Variants in FBN2 observed in about 807,000 individuals in gnomAD.
FBN2 encodes fibrillin-2.
In FBN2, 105 loss-of-function variants were observed where a neutral mutation model predicts 355.6. The observed-to-expected ratio is 0.30, with a 90% CI of 0.25 to 0.35. The LOEUF (loss-of-function observed/expected upper bound fraction) is 0.35. FBN2 is among the 10% of genes least tolerant of loss of function. FBN2 has a pLI of 1.00. For missense variants in FBN2, 3,280 were observed against 3,758.7 expected, an observed-to-expected ratio of 0.87 and a Z score of 3.33; for synonymous variants, 1,350 against 1,301.2, an observed-to-expected ratio of 1.04 and a Z score of -0.81.
At position 128,528,080 on chromosome 5, in the gene FBN2, T is replaced by C; in HGVS notation, c.437-113A>G. On this transcript the variant is annotated intron_variant, in intron 3 of 64. Transcript: ENST00000262464. Reference sequence around the variant, plus strand: ...ATCCAATTCAATGACAATTATATCTTACAGAAGGAAATACTATGACCCAAA... The same window carrying C: ...ATCCAATTCAATGACAATTATATCTCACAGAAGGAAATACTATGACCCAAA... 4 of 740,318 alleles carry C rather than the reference T, an allele frequency of 5.4e-6. No homozygotes were observed. In the South Asian group the frequency reaches 5.9e-5, roughly 11 times the overall value. 45.9% of individuals were successfully genotyped at this position (740,318 alleles called of 1,614,324 possible).
chr5:128,377,736 C>T lies in FBN2; in HGVS notation c.1849+16G>A. On this transcript the variant is annotated intron_variant, in intron 13 of 64. Coordinates refer to ENST00000262464, the MANE Select transcript of FBN2 (RefSeq NM_001999.4). ...CCTTTTAAAATCTTTTGCAAGGGAGCAGGCAATTTCCATACCAACACAGTT... is the reference window on the plus strand; with the variant it reads ...CCTTTTAAAATCTTTTGCAAGGGAGTAGGCAATTTCCATACCAACACAGTT... 1 of 1,612,958 alleles carries T rather than the reference C, an allele frequency of 6.2e-7. No individual in the cohort carries two copies. The highest frequency in any genetic ancestry group is 1.1e-5 in the South Asian group (1 of 91,070).
At chr5:128,370,886 T>C (rs554854475) in intron 15 of FBN2, among the ~76,000 whole-genome samples, 1 of 152,292 alleles carries the variant, frequency 6.6e-6, no homozygotes, top group East Asian at 1.9e-4. Flanking sequence ...ATAACTTATG[T>C]GTAGGTTTTA....
At chr5:128,372,309 G>T (rs944111430) in intron 15 of FBN2, among the ~76,000 whole-genome samples, 1 of 152,046 alleles carries the variant, frequency 6.6e-6, no homozygotes, top group Non-Finnish European at 1.5e-5. Context: ...ATTGCCTTTT[G>T]TTTACAACCT....
At chr5:128,537,106 CT>C (rs1756869498) in intron 1 of FBN2, among the ~76,000 whole-genome samples, 1 of 152,152 alleles carries the variant, frequency 6.6e-6, no homozygotes, top group South Asian at 2.1e-4. Context: ...ATCGGCACCC[CT>C]GGACCCCCTA....
intron 5 of FBN2, among the ~76,000 whole-genome samples, chr5:128,482,676 A>G (rs886104042): frequency 1.3e-5 from 2 of 152,168 alleles, no homozygotes; most frequent in Non-Finnish European, 2.9e-5. Flanking sequence ...GAATTGCTAT[A>G]TTAATATTCT....
At chr5:128,420,043 G>GTA (rs1753306399) in intron 7 of FBN2, among the ~76,000 whole-genome samples, 1 of 152,080 alleles carries the variant, frequency 6.6e-6, no homozygotes, top group East Asian at 1.9e-4. Context: ...TGACAATGAT[G>GTA]TATAGTCTTT....
chr5:128,296,303 T>G (rs1329134201), intron 48 of FBN2, among the ~76,000 whole-genome samples: 1 of 152,046 alleles, frequency 6.6e-6, no homozygotes, highest in Non-Finnish European at 1.5e-5. Flanking sequence ...ATTCTCTTTT[T>G]TGGTTGTGTC....
At chr5:128,463,105 A>AGCC (rs1754602164) in intron 6 of FBN2, among the ~76,000 whole-genome samples, 1 of 152,144 alleles carries the variant, frequency 6.6e-6, no homozygotes. Context: ...TAAACTAGTA[A>AGCC]ATCAATATAG....
At chr5:128,376,614 G>A in intron 14 of FBN2, 117 bp downstream of exon 14, 1 of 1,249,860 alleles carries the variant, frequency 8.0e-7, no homozygotes, top group South Asian at 1.2e-5. Context: ...GAATTAGCAA[G>A]AAATGTGAAT....
chr5:128,297,222 T>G (rs2126828928), intron 48 of FBN2, among the ~76,000 whole-genome samples: 1 of 152,352 alleles, frequency 6.6e-6, no homozygotes, highest in African/African-American at 2.4e-5. Flanking sequence ...ATAATTTCTG[T>G]TCTTTTACAT....
chr5:128,520,850 C>T (rs1756413069), intron 4 of FBN2, among the ~76,000 whole-genome samples: 2 of 151,996 alleles, frequency 1.3e-5, no homozygotes, highest in African/African-American at 2.4e-5. Context: ...CCAGCTGAGT[C>T]CTACATAGCA....
intron 15 of FBN2, chr5:128,371,179 T>A (rs974514382): frequency 6.6e-6 from 1 of 152,156 alleles, no homozygotes; most frequent in Non-Finnish European, 1.5e-5. Flanking sequence ...CTGTGAACTA[T>A]CAGTTGAGAT....
At chr5:128,358,017 T>C (rs968214679) in intron 19 of FBN2, among the ~76,000 whole-genome samples, 2 of 152,120 alleles carry the variant, frequency 1.3e-5, no homozygotes, top group African/African-American at 4.8e-5. Flanking sequence ...GTAGAAATAA[T>C]TGCTTTAAAT....
intron 36 of FBN2, among the ~76,000 whole-genome samples, chr5:128,317,332 A>G (rs1355070282): frequency 6.6e-6 from 1 of 152,200 alleles, no homozygotes; most frequent in Non-Finnish European, 1.5e-5. Context: ...AGGCACTCAA[A>G]CTTTACCAAA....
Position 128,357,333 on chromosome 5 carries a change from A to T in FBN2, c.2617T>A (p.Phe873Ile), listed in dbSNP as rs1751526820. Residue 873 changes from phenylalanine (F) to isoleucine (I), a missense_variant, in exon 20 of 65, where the codon TTC becomes ATC. Around this residue, in one of 6 missense-constraint regions of FBN2, gnomAD observed 2,284 missense variants for 2,749.5 expected, o/e 0.83. Coordinates refer to ENST00000262464, the MANE Select transcript of FBN2 (RefSeq NM_001999.4). ...NGACRNNLGS[F>I]NCECSPGSKL... ...CTGCCGGGCGAACATTCACAATTGA[A>T]AGATCCAAGGTTGTTTCTGCAGGCC... is the stretch of plus-strand genomic sequence containing the variant. The T allele has an allele frequency of 1.2e-6, 2 of 1,613,880 alleles. No homozygotes were observed. The highest frequency in any genetic ancestry group is 3.3e-5 in the Admixed American group (2 of 59,992).
At chr5:128,267,444 TAA>T (rs1765145130) in intron 62 of FBN2, among the ~76,000 whole-genome samples, 1 of 152,206 alleles carries the variant, frequency 6.6e-6, no homozygotes, top group Non-Finnish European at 1.5e-5. Flanking sequence ...ACCAACAGTG[TAA>T]AAGTTTTCCT....
At position 128,411,694 on chromosome 5, in the gene FBN2, A is replaced by T. The variant is rs576547054; in HGVS notation, c.953-2895T>A. On this transcript the variant is annotated intron_variant, in intron 7 of 64. Transcript: ENST00000262464. ...GGCCAGGGTGGTTTTGGAAAAGGCA[A>T]CATTCGGGCAGGAAAGCAGGAATTC... Among the ~76,000 whole-genome samples, 5 of 152,316 alleles carry T rather than the reference A, an allele frequency of 3.3e-5. No individual in the cohort carries two copies. The East Asian group carries it at 9.7e-4, about 29-fold the overall frequency.
chr5:128,289,319 A>T, intron 51 of FBN2, 67 bp from the exon 52 acceptor site: 1 of 1,553,248 alleles, frequency 6.4e-7, no homozygotes, highest in Non-Finnish European at 8.9e-7. Context: ...GCAGTGGCTC[A>T]TGCTTATAAA....
At chr5:128,356,470 T>C (rs993851022) in intron 20 of FBN2, among the ~76,000 whole-genome samples, 1 of 152,274 alleles carries the variant, frequency 6.6e-6, no homozygotes. Flanking sequence ...TGGCACTATG[T>C]AAAACTGAAA....
Sources: allele counts gnomAD v4.1 joint callset (sites outside exome capture counted in the v4.1 genomes callset), GRCh38; gene constraint gnomAD v4.1.1; regional missense constraint gnomAD v4.1.1; transcripts MANE v1.5; gene names NCBI Gene and HGNC (gene_info 2026-07-23, HGNC 2026-07-21).